The following NT5DC2 variants were observed in gnomAD, a reference collection of about 807,000 sequenced individuals.
NT5DC2 encodes 5'-nucleotidase domain-containing protein 2.
In NT5DC2, 41 loss-of-function variants were observed where a neutral mutation model predicts 70.0. The ratio of observed to expected loss-of-function variants is 0.59; its 90% CI spans 0.46 to 0.76. The LOEUF is 0.76. Among genes scored for constraint, NT5DC2 ranks in the 30% least tolerant of loss-of-function variants. The probability of loss-of-function intolerance (pLI) is 0.00; values close to 1 mark genes in which losing one functional copy is unlikely to be tolerated. For missense variants in NT5DC2, 705 were observed against 783.2 expected (o/e 0.90, Z 1.19); for synonymous variants, 299 against 310.4 (o/e 0.96, Z 0.39).
chr3:52,527,627 C>G lies in NT5DC2; in HGVS notation c.1027G>C (p.Asp343His). 1 of 1,612,960 alleles carries G rather than the reference C, an allele frequency of 6.2e-7. No homozygotes were observed. ...VQADKPSFFT[D>H]RRKPFRKLDE... ...CCACCATGCCCATACTTGCGCCGGT[C>G]AGTGAAGAAGCTGGGCTTGTCTGCC... is the stretch of plus-strand genomic sequence containing the variant. The change falls in exon 9 of 14, where the codon GAC (aspartate) becomes CAC (histidine). Residue 343 changes from aspartate (D) to histidine (H), a missense_variant. Physicochemically the swap from Asp to His is moderately conservative, Grantham distance 81. Coordinates refer to ENST00000422318, the MANE Select transcript of NT5DC2 (RefSeq NM_001134231.2).
Position 52,529,285 on chromosome 3 carries a change from G to A in NT5DC2, c.282C>T (p.Tyr94=), listed in dbSNP as rs151332070. Residue 94 remains tyrosine, a synonymous_variant, in exon 2 of 14, where the codon TAC becomes TAT. Transcript: ENST00000422318. The surrounding 1 kb of genome is among the most constrained non-coding windows in gnomAD (Gnocchi z 4.1). ...VCSLLNPAAI[Y]ANNEISLRDV... ...CACGCAGGCTGATCTCGTTGTTGGC[G>A]TAGATGGCTGCTGGGTTCAGGAGAC... 1.1e-5 allele frequency: 17 copies of A among 1,613,782 alleles called. No homozygotes were observed. Among genetic ancestry groups the A allele is most frequent in the East Asian group, 8.9e-5 (4 of 44,896 alleles).
chr3:52,528,671 C>T lies in NT5DC2; in HGVS notation c.514G>A (p.Ala172Thr), dbSNP rs769093251. 45 of 1,593,544 alleles carry T rather than the reference C, an allele frequency of 2.8e-5. No homozygotes were observed. The highest frequency in any genetic ancestry group is 1.3e-4 in the African/African-American group (10 of 74,428). Residue 172 changes from alanine (A) to threonine (T), a missense_variant, in exon 4 of 14, where the codon GCC becomes ACC. Coordinates refer to ENST00000422318, the MANE Select transcript of NT5DC2 (RefSeq NM_001134231.2). ...GTCCCCAGCTGCACGTAGTGGAAGG[C>T]GTCAATCTTCATCAGAAGGCTCTGG... The part of the protein sequence containing the change: ...IQKSLLMKID[A>T]FHYVQLGTAY...
chr3:52,528,740 C>T (rs773699390), intron 3 of NT5DC2, 48 bp from the exon 4 acceptor site: 41 of 1,607,848 alleles, frequency 2.5e-5, no homozygotes, highest in African/African-American at 8.0e-5. Flanking sequence ...GCAGTTTCAC[C>T]GTGGCCCCAA....
upstream of NT5DC2, chr3:52,534,671 G>T (rs779887769): frequency 4.4e-6 from 7 of 1,600,414 alleles, no homozygotes; most frequent in Non-Finnish European, 6.0e-6. Flanking sequence ...GCTCAGATCC[G>T]TATTCCGAGC....
upstream of NT5DC2, chr3:52,534,246 G>T: frequency 2.0e-6 from 1 of 511,382 alleles, no homozygotes; most frequent in Non-Finnish European, 3.6e-6. Flanking sequence ...CAGATCCTCC[G>T]CTCCTCCCCC....
upstream of NT5DC2, chr3:52,534,259 G>C: frequency 1.8e-6 from 1 of 552,932 alleles, no homozygotes; most frequent in Non-Finnish European, 3.3e-6. Context: ...CCTCCCCCTA[G>C]TCCTGGTGCT....
In NT5DC2 at chr3:52,525,275, T is replaced by TAAG; in HGVS notation, c.1137_1139dup (p.Phe379dup). 1 of 1,612,796 alleles carries TAAG rather than the reference T, an allele frequency of 6.2e-7. No homozygotes were observed. Among genetic ancestry groups the TAAG allele is most frequent in the Non-Finnish European group, 8.5e-7 (1 of 1,179,912 alleles). On this transcript the variant is annotated inframe_insertion, in exon 11 of 14. Coordinates refer to ENST00000422318, the MANE Select transcript of NT5DC2 (RefSeq NM_001134231.2). ...GGGGGCCACGCCATTCCGTCAAGCGTAAGAAGTCAAACAGGTTTCCCTAGG... is the reference window on the plus strand; with the variant it reads ...GGGGGCCACGCCATTCCGTCAAGCGTAAGAAGAAGTCAAACAGGTTTCCCTAGG...
chr3:52,529,205 G>A lies in NT5DC2; in HGVS notation c.362C>T (p.Ala121Val), dbSNP rs1011955010. Residue 121 changes from alanine (A) to valine (V), a missense_variant, in exon 2 of 14, where the codon GCA (alanine) becomes GTA (valine). Coordinates refer to ENST00000422318, the MANE Select transcript of NT5DC2 (RefSeq NM_001134231.2). The surrounding 1 kb of genome is among the most constrained non-coding windows in gnomAD (Gnocchi z 4.1). ...YDYTLAQYAD[A>V]LHPEIFSTAR... ...GGTACTGAAGATCTCGGGGTGCAGT[G>A]CGTCTGCATACTGGGCCAGGGTGTA... The A allele has an allele frequency of 6.2e-7, 1 of 1,614,122 alleles. No individual in the cohort carries two copies. The highest frequency in any genetic ancestry group is 8.5e-7 in the Non-Finnish European group (1 of 1,179,992).
chr3:52,525,857 GAAT>G (rs1255083415), intron 10 of NT5DC2: 1 of 153,420 alleles, frequency 6.5e-6, no homozygotes, highest in Non-Finnish European at 1.4e-5. Flanking sequence ...CCAAAAGCGA[GAAT>G]AATTGACACC....
chr3:52,532,462 T>A, intron 1 of NT5DC2: 1 of 985,330 alleles, frequency 1.0e-6, no homozygotes, highest in South Asian at 4.7e-5. Flanking sequence ...GCCTTTACCA[T>A]CCTGCCTTTA....
chr3:52,525,228 T>A lies in NT5DC2; in HGVS notation c.1187A>T (p.His396Leu). 1.9e-6 allele frequency: 3 copies of A among 1,609,854 alleles called. No individual in the cohort carries two copies. The highest frequency in any genetic ancestry group is 2.5e-6 in the Non-Finnish European group (3 of 1,179,386). Residue 396 changes from histidine (H) to leucine (L), a missense_variant, in exon 11 of 14, where the codon CAC becomes CTC. Physicochemically the swap from His to Leu is moderately conservative, Grantham distance 99. Coordinates refer to ENST00000422318, the MANE Select transcript of NT5DC2 (RefSeq NM_001134231.2). ...CCTCACCGCCAGATCACTATAGAGG[T>A]GGTCCCCGAAGTAGAGCACGCGGGG... The part of the protein sequence containing the change: ...RGPRVLYFGD[H>L]LYSDLADLML...
In NT5DC2 at chr3:52,525,258, C is replaced by T. The variant is rs773245784; in HGVS notation, c.1157G>A (p.Arg386His). 1.9e-5 allele frequency: 30 copies of T among 1,612,690 alleles called. No homozygotes were observed. Among genetic ancestry groups the T allele is most frequent in the South Asian group, 4.4e-5 (4 of 91,024 alleles). ...CCCGAAGTAGAGCACGCGGGGGCCA[C>T]GCCATTCCGTCAAGCGTAAGAAGTC... ...LFDFLRLTEW[R>H]GPRVLYFGDH... Residue 386 changes from arginine to histidine, a missense_variant, in exon 11 of 14, where the codon CGT becomes CAT. Coordinates refer to ENST00000422318, the MANE Select transcript of NT5DC2 (RefSeq NM_001134231.2).
At chr3:52,532,777 G>C (rs1455555978) in intron 1 of NT5DC2, among the ~76,000 whole-genome samples, 1 of 152,076 alleles carries the variant, frequency 6.6e-6, no homozygotes, top group Non-Finnish European at 1.5e-5. Context: ...TGCAGAAGCA[G>C]GGCCCCACTA....
chr3:52,524,396 G>T lies in NT5DC2; in HGVS notation c.*74C>A. The T allele has an allele frequency of 6.2e-7, 1 of 1,612,952 alleles. No individual in the cohort carries two copies. Among genetic ancestry groups the T allele is most frequent in the Non-Finnish European group, 8.5e-7 (1 of 1,179,614 alleles). On this transcript the variant is annotated 3_prime_UTR_variant, in exon 14 of 14. Transcript: ENST00000422318. ...AAAGCAGAAGCATGCACAGGGAGGA[G>T]ACCACTTTTATTGCTTGTCTGGGTG...
Position 52,533,766 on chromosome 3 carries a change from CTGCCCTCGGCCA to C in NT5DC2, c.-41_-30del, listed in dbSNP as rs1296679410. The stretch of plus-strand genomic sequence containing the variant: ...CACCGCGCGCCGCCCGCCGCCCGCG[CTGCCCTCGGCCA>C]GCCCGCCGCCCGCCGCCCGCCGCCC... On this transcript the variant is annotated 5_prime_UTR_variant, in exon 1 of 14. Coordinates refer to ENST00000422318, the MANE Select transcript of NT5DC2 (RefSeq NM_001134231.2). 23 of 968,062 alleles carry C rather than the reference CTGCCCTCGGCCA, an allele frequency of 2.4e-5. No homozygotes were observed. The highest frequency in any genetic ancestry group is 3.7e-5 in the African/African-American group (2 of 53,726). The allele number at this position is 968,062 out of a possible 1,614,324, so 60.0% of individuals were successfully genotyped here.
At chr3:52,527,435 C>T (rs572415439) in intron 9 of NT5DC2, 60 bp from the exon 10 acceptor site, 1 of 1,565,640 alleles carries the variant, frequency 6.4e-7, no homozygotes, top group South Asian at 1.1e-5. Context: ...GCCGGGCAAC[C>T]CCCATCCCTC....
At chr3:52,534,087 G>A (rs1007020224), upstream of NT5DC2, 5 of 242,008 alleles carry the variant, frequency 2.1e-5, no homozygotes, top group Non-Finnish European at 4.0e-5. Flanking sequence ...GCCTAAGAGC[G>A]GCCGTCCCTG....
At chr3:52,534,641 T>C (rs2079405363), upstream of NT5DC2, 3 of 1,612,988 alleles carry the variant, frequency 1.9e-6, no homozygotes, top group East Asian at 6.7e-5. Flanking sequence ...GCAGAACCGC[T>C]CTCCACTCGC....
In NT5DC2 at chr3:52,529,733, G is replaced by A. The variant is rs2079334805; in HGVS notation, c.233-399C>T. Among the ~76,000 whole-genome samples the A allele has an allele frequency of 6.6e-6, 1 of 152,164 alleles. No homozygotes were observed. Among genetic ancestry groups the A allele is most frequent in the Admixed American group, 6.5e-5 (1 of 15,280 alleles). ...GCCCCAGAACAGCTGCTTTTGGGATGCTCTACAAAGCAAAGCCTCCCACTT... is the reference window on the plus strand; with the variant it reads ...GCCCCAGAACAGCTGCTTTTGGGATACTCTACAAAGCAAAGCCTCCCACTT... On this transcript the variant is annotated intron_variant, in intron 1 of 13. Transcript: ENST00000422318. This position sits in a 1 kb window ranked among gnomAD's most constrained non-coding sequence, Gnocchi z 4.1.
Sources: gnomAD v4.1 joint callset for allele counts (sites outside exome capture counted in the v4.1 genomes callset) on GRCh38, gnomAD v4.1.1 for gene constraint, Gnocchi (gnomAD v3.1) non-coding constraint, MANE v1.5 for transcripts, NCBI Gene and HGNC (gene_info 2026-07-23, HGNC 2026-07-21) for gene names.